Variants in ECE1 observed in about 807,000 individuals in gnomAD.
ECE1 encodes the protein endothelin-converting enzyme 1.
ECE1 carries 35 observed loss-of-function variants against 98.6 expected under a neutral mutation model. The ratio of observed to expected loss-of-function variants is 0.35; its 90% CI spans 0.27 to 0.47. The LOEUF is 0.47. Among genes scored for constraint, ECE1 ranks in the 20% least tolerant of loss-of-function variants. The pLI is 1.00. For synonymous variants in ECE1, 394 were observed against 407.1 expected, an observed-to-expected ratio of 0.97 and a Z score of 0.39; for missense variants, 814 against 1,025.3, an observed-to-expected ratio of 0.79 and a Z score of 2.81.
intron 4 of ECE1, among the ~76,000 whole-genome samples, chr1:21,270,557 G>A (rs546966808): frequency 6.6e-6 from 1 of 152,304 alleles, no homozygotes; most frequent in African/African-American, 2.4e-5. Context: ...AACAGAGTGA[G>A]CAACACCTTC....
At chr1:21,324,683 C>G (rs1178542527) in intron 1 of ECE1, among the ~76,000 whole-genome samples, 1 of 152,174 alleles carries the variant, frequency 6.6e-6, no homozygotes, top group Non-Finnish European at 1.5e-5. Context: ...GCAGAAGGAG[C>G]CCGCGGGTCA....
rs1056223582 is a variant in ECE1, at chr1:21,327,955, G to A, written c.3+17421C>T. Among the ~76,000 whole-genome samples the A allele has an allele frequency of 6.6e-6, 1 of 152,188 alleles. No homozygotes were observed. The highest frequency in any genetic ancestry group is 1.5e-5 in the Non-Finnish European group (1 of 68,028). On this transcript the variant is annotated intron_variant, in intron 1 of 18. Coordinates refer to the ECE1 transcript ENST00000415912. This position sits in a 1 kb window ranked among gnomAD's most constrained non-coding sequence, Gnocchi z 4.6. ...TCTATGAGAATCTAACTAAGGTGAT[G>A]AATCTAACTAACATGAACTGAGGTG...
At chr1:21,287,609 A>T (rs2098262055) in intron 2 of ECE1, among the ~76,000 whole-genome samples, 1 of 152,214 alleles carries the variant, frequency 6.6e-6, no homozygotes, top group South Asian at 2.1e-4. Context: ...TAATCTGAAA[A>T]GCTAAAAATG....
At chr1:21,238,927 A>T (rs1229008461) in intron 10 of ECE1, among the ~76,000 whole-genome samples, 1 of 151,070 alleles carries the variant, frequency 6.6e-6, no homozygotes, top group Non-Finnish European at 1.5e-5. Context: ...TGATCTTCCC[A>T]CCTTAGCCTC....
chr1:21,297,913 C>A (rs1186971144), intron 1 of ECE1: 1 of 152,152 alleles, frequency 6.6e-6, no homozygotes, highest in Non-Finnish European at 1.5e-5. Context: ...TCATGGCTCA[C>A]TGCAGCCTCT....
At chr1:21,256,225 C>T in intron 7 of ECE1, 87 bp from the exon 8 acceptor site, 1 of 1,466,600 alleles carries the variant, frequency 6.8e-7, no homozygotes. Context: ...CCAGCCAAGT[C>T]CGGCACAGGG....
At chr1:21,303,536 G>GA (rs1638530967) in intron 1 of ECE1, among the ~76,000 whole-genome samples, 1 of 152,216 alleles carries the variant, frequency 6.6e-6, no homozygotes, top group Admixed American at 6.5e-5. Flanking sequence ...AAGCACTCAG[G>GA]AAATACCAGC....
At chr1:21,240,284 C>T (rs553713927) in intron 10 of ECE1, among the ~76,000 whole-genome samples, 59 of 152,204 alleles carry the variant, frequency 3.9e-4, no homozygotes, top group African/African-American at 1.2e-3. Flanking sequence ...GTCAGGAGTT[C>T]GAGACCACCC....
chr1:21,272,595 T>C, intron 4 of ECE1, 104 bp downstream of exon 4: 2 of 1,422,270 alleles, frequency 1.4e-6, no homozygotes, highest in South Asian at 2.4e-5. Flanking sequence ...CCCGGCCCAT[T>C]CTGCCAAGCT....
chr1:21,270,937 G>T (rs1266699144), intron 4 of ECE1, among the ~76,000 whole-genome samples: 1 of 152,198 alleles, frequency 6.6e-6, no homozygotes, highest in Non-Finnish European at 1.5e-5. Flanking sequence ...CAAGCCCCCA[G>T]CTGTGATGTT....
chr1:21,250,750 G>A, intron 8 of ECE1, among the ~76,000 whole-genome samples: 1 of 152,220 alleles, frequency 6.6e-6, no homozygotes, highest in Non-Finnish European at 1.5e-5. Context: ...GCTCACGCCT[G>A]TAACCCCAGC....
Position 21,260,274 on chromosome 1 carries a change from C to T in ECE1, c.612G>A (p.Glu204=), listed in dbSNP as rs757633043. 6.2e-7 allele frequency: 1 copy of T among 1,614,246 alleles called. No individual in the cohort carries two copies. The highest frequency in any genetic ancestry group is 1.1e-5 in the South Asian group (1 of 91,092). The change falls in exon 5 of 19, where the codon GAG becomes GAA. Residue 204 remains glutamate (E), a synonymous_variant. Transcript: ENST00000374893. This position sits in a 1 kb window ranked among gnomAD's most constrained non-coding sequence, Gnocchi z 4.3. ...LRAKPLMELI[E]RLGGWNITGP... is the part of the protein sequence containing the mutation. ...AGGGAGAGCCCGAGGCACTCACCCT[C>T]TCAATCAACTCCATTAGAGGTTTGG... is the stretch of plus-strand genomic sequence containing the variant.
At chr1:21,237,602 G>A (rs978462217) in intron 11 of ECE1, among the ~76,000 whole-genome samples, 1 of 152,192 alleles carries the variant, frequency 6.6e-6, no homozygotes, top group South Asian at 2.1e-4. Context: ...CCGGTGCCCA[G>A]TGTGTGGCAT....
intron 8 of ECE1, among the ~76,000 whole-genome samples, chr1:21,251,099 A>G (rs1013334377): frequency 6.6e-6 from 1 of 152,162 alleles, no homozygotes; most frequent in Non-Finnish European, 1.5e-5. Flanking sequence ...TCTAAAACCC[A>G]GGTTCACTCA....
chr1:21,239,848 G>A (rs2098193737), intron 10 of ECE1, among the ~76,000 whole-genome samples: 1 of 151,672 alleles, frequency 6.6e-6, no homozygotes, highest in Admixed American at 6.6e-5. Flanking sequence ...CTTGACTGTG[G>A]TGATGGTTAC....
At chr1:21,243,452 C>G (rs1200676274) in intron 10 of ECE1, among the ~76,000 whole-genome samples, 1 of 151,066 alleles carries the variant, frequency 6.6e-6, no homozygotes, top group Non-Finnish European at 1.5e-5. Flanking sequence ...AGGCTGGGCT[C>G]AGGTGATCCA....
At chr1:21,309,019 C>T (rs1436571505) in intron 1 of ECE1, among the ~76,000 whole-genome samples, 1 of 152,254 alleles carries the variant, frequency 6.6e-6, no homozygotes, top group Non-Finnish European at 1.5e-5. Flanking sequence ...TAGCAGGAAT[C>T]TGGCACAGGC....
intron 8 of ECE1, among the ~76,000 whole-genome samples, chr1:21,252,675 G>C (rs936699059): frequency 2.6e-5 from 4 of 152,190 alleles, no homozygotes; most frequent in Middle Eastern, 3.2e-3. Flanking sequence ...GAAGCATTCT[G>C]TACCCCAGCA....
rs34050500 is a variant in ECE1 at position 21,323,819 on chromosome 1, C to CTT, written c.3+21555_3+21556dup. Among the ~76,000 whole-genome samples, 614 of 133,844 alleles carry CTT rather than the reference C, an allele frequency of 4.6e-3. 5 individuals are homozygous for CTT. Among genetic ancestry groups the CTT allele is most frequent in the African/African-American group, 0.011 (418 of 36,424 alleles). The allele number at this position is 133,844 out of a possible 152,430, so 87.8% of individuals were successfully genotyped here. A position where few individuals can be genotyped will look rare whatever the true frequency, so the allele number is the denominator to read the frequency against. ...ATGGGAGATGGGGGCAATTTTCTTT[C>CTT]TTTTTTTTTTTTTTTTGAGACATAG... On this transcript the variant is annotated intron_variant, in intron 1 of 18. Transcript: ENST00000415912.
Sources: gnomAD v4.1 joint callset for allele counts (sites outside exome capture counted in the v4.1 genomes callset) on GRCh38, gnomAD v4.1.1 for gene constraint, Gnocchi (gnomAD v3.1) non-coding constraint, MANE v1.5 for transcripts, NCBI Gene and HGNC (gene_info 2026-07-23, HGNC 2026-07-21) for gene names.